CMIP: variants seen among roughly 807,000 people sequenced by gnomAD.
CMIP encodes c-Maf inducing protein.
Under a neutral mutation model 97.3 loss-of-function variants are expected in CMIP, and 13 were observed. The ratio of observed to expected loss-of-function variants is 0.13; its 90% CI spans 0.09 to 0.21. The LOEUF (loss-of-function observed/expected upper bound fraction) is 0.21, where lower values mean the gene tolerates loss of function less well. CMIP is among the 10% of genes least tolerant of loss of function. The pLI is 1.00. For missense variants in CMIP, 847 were observed against 1,024.9 expected, an observed-to-expected ratio of 0.83 and a Z score of 2.37; for synonymous variants, 538 against 436.3, an observed-to-expected ratio of 1.23 and a Z score of -2.91.
At chr16:81,695,652 C>T (rs1906629645) in intron 13 of CMIP, 1 of 152,392 alleles carries the variant, frequency 6.6e-6, no homozygotes, top group African/African-American at 2.4e-5. Context: ...CATCCTCTCC[C>T]TCCTTCCCTC....
chr16:81,460,258 T>G (rs1016544511), intron 1 of CMIP, among the ~76,000 whole-genome samples: 25 of 152,100 alleles, frequency 1.6e-4, no homozygotes, highest in African/African-American at 6.0e-4. Context: ...CTGGGGGAGA[T>G]GGAGGATGGG....
intron 10 of CMIP, among the ~76,000 whole-genome samples, chr16:81,679,194 G>A (rs973575846): frequency 2.0e-5 from 3 of 152,170 alleles, no homozygotes; most frequent in Admixed American, 6.5e-5. Flanking sequence ...GTGGTCTGCC[G>A]AGTGTGTGTG....
intron 6 of CMIP, among the ~76,000 whole-genome samples, chr16:81,661,996 AGTGT>A (rs34660094): frequency 6.6e-6 from 1 of 151,794 alleles, no homozygotes; most frequent in South Asian, 2.1e-4. Context: ...AACACCCGTG[AGTGT>A]GTGTGTGTGT....
Position 81,647,216 on chromosome 16 carries a change from G to A in CMIP, c.478-4987G>A, listed in dbSNP as rs114457126. Among the ~76,000 whole-genome samples the A allele has an allele frequency of 2.6e-3, 392 of 152,298 alleles. 1 individual carries two copies. The highest frequency in any genetic ancestry group is 9.1e-3 in the African/African-American group (380 of 41,544). On this transcript the variant is annotated intron_variant, in intron 3 of 20. Transcript: ENST00000537098. ...TTTTCCCGAGGGCTAATGACGTTGA[G>A]CATCTTCTTTGCATGCTTACTCCTA...
At chr16:81,534,921 C>T (rs2090312572) in intron 1 of CMIP, among the ~76,000 whole-genome samples, 1 of 152,176 alleles carries the variant, frequency 6.6e-6, no homozygotes, top group South Asian at 2.1e-4. Context: ...TGCTCTGCCA[C>T]TGTGCTGTTT....
intron 1 of CMIP, among the ~76,000 whole-genome samples, chr16:81,574,854 T>G (rs1244163186): frequency 1.3e-5 from 2 of 152,206 alleles, no homozygotes; most frequent in African/African-American, 4.8e-5. Context: ...CAAGATCACG[T>G]GGGCAAGGAC....
rs1330510064 is a variant in CMIP, at chr16:81,470,632, A to T, written c.300+25091A>T. Reference sequence around the variant, plus strand: ...GAAATTGAGATTTAAAAAAGCTATTAAAAAGATTATAAATGAGATCTTGCT... The same window carrying T: ...GAAATTGAGATTTAAAAAAGCTATTTAAAAGATTATAAATGAGATCTTGCT... On this transcript the variant is annotated intron_variant, in intron 1 of 20. Coordinates refer to ENST00000537098, the MANE Select transcript of CMIP (RefSeq NM_198390.3). Among the ~76,000 whole-genome samples the T allele has an allele frequency of 2.0e-5, 3 of 152,342 alleles. No homozygotes were observed. The East Asian group carries it at 5.8e-4, about 29-fold the overall frequency.
chr16:81,672,712 A>G (rs1463863456), intron 9 of CMIP, among the ~76,000 whole-genome samples: 1 of 152,102 alleles, frequency 6.6e-6, no homozygotes, highest in Non-Finnish European at 1.5e-5. Context: ...AGTAGCTAGG[A>G]CCACAGGCAC....
chr16:81,553,939 C>G (rs1567575706), intron 1 of CMIP, among the ~76,000 whole-genome samples: 1 of 152,242 alleles, frequency 6.6e-6, no homozygotes, highest in Non-Finnish European at 1.5e-5. Context: ...CTCCTAGGCA[C>G]TGGAGCCACC....
chr16:81,654,549 C>T (rs944560767), intron 4 of CMIP, among the ~76,000 whole-genome samples: 22 of 152,356 alleles, frequency 1.4e-4, no homozygotes, highest in African/African-American at 4.1e-4. Flanking sequence ...CCCTACTTTA[C>T]TGAAGAGAGC....
intron 2 of CMIP, among the ~76,000 whole-genome samples, chr16:81,615,165 T>G (rs2098806337): frequency 9.7e-6 from 1 of 103,506 alleles, no homozygotes; most frequent in Middle Eastern, 3.8e-3. Flanking sequence ...CATGTGTGTG[T>G]GGTGTATGTG....
At chr16:81,458,523 C>T (rs1308353223) in intron 1 of CMIP, among the ~76,000 whole-genome samples, 1 of 152,144 alleles carries the variant, frequency 6.6e-6, no homozygotes, top group Non-Finnish European at 1.5e-5. Flanking sequence ...CTGCGTAGGG[C>T]CCTCCCTGCT....
chr16:81,473,213 C>G (rs151241385), intron 1 of CMIP, among the ~76,000 whole-genome samples: 1 of 152,230 alleles, frequency 6.6e-6, no homozygotes. Context: ...CTCTGCAGGA[C>G]GACGTGAACA....
intron 3 of CMIP, among the ~76,000 whole-genome samples, chr16:81,641,745 G>A (rs28360695): frequency 0.024 from 3,658 of 152,310 alleles, 150 homozygotes; most frequent in African/African-American, 0.084. Flanking sequence ...TCAGGCAGGT[G>A]TCCACTGGGC....
chr16:81,561,024 G>A (rs1473422956), intron 1 of CMIP, among the ~76,000 whole-genome samples: 4 of 152,270 alleles, frequency 2.6e-5, no homozygotes, highest in Admixed American at 2.6e-4. Flanking sequence ...GTGCAATCTT[G>A]CTTCACTGCA....
At chr16:81,526,378 T>C (rs1331557665) in intron 1 of CMIP, among the ~76,000 whole-genome samples, 1 of 152,234 alleles carries the variant, frequency 6.6e-6, no homozygotes, top group Non-Finnish European at 1.5e-5. Context: ...ACAGTGGTGT[T>C]AGCAGTGCCT....
At chr16:81,512,379 C>G (rs540860802) in intron 1 of CMIP, among the ~76,000 whole-genome samples, 1 of 152,310 alleles carries the variant, frequency 6.6e-6, no homozygotes, top group Admixed American at 6.5e-5. Context: ...CATCACCTTT[C>G]CTGCTCATGT....
Position 81,614,932 on chromosome 16 carries a change from C to CGAG in CMIP, c.427-5944_427-5943insGAG, listed in dbSNP as rs2091889493. Among the ~76,000 whole-genome samples the CGAG allele has an allele frequency of 6.9e-6, 1 of 145,734 alleles. No homozygotes were observed. Among genetic ancestry groups the CGAG allele is most frequent in the African/African-American group, 2.6e-5 (1 of 39,006 alleles). ...TATGTGGTGTGCATAGTGTGTATCT[C>CGAG]TGTGTGTGGTGTGTGCATGTGTGTG... On this transcript the variant is annotated intron_variant, in intron 2 of 20. Transcript: ENST00000537098. This position sits in a 1 kb window ranked among gnomAD's most constrained non-coding sequence, Gnocchi z 5.3.
intron 1 of CMIP, among the ~76,000 whole-genome samples, chr16:81,458,034 T>C (rs1050395271): frequency 5.9e-5 from 9 of 152,138 alleles, no homozygotes; most frequent in Non-Finnish European, 8.8e-5. Context: ...ATCATGCCAA[T>C]AAGAGAGAGG....
Sources: allele counts gnomAD v4.1 joint callset (sites outside exome capture counted in the v4.1 genomes callset), GRCh38; gene constraint gnomAD v4.1.1; non-coding constraint Gnocchi (gnomAD v3.1); transcripts MANE v1.5; gene names NCBI Gene and HGNC (gene_info 2026-07-23, HGNC 2026-07-21).